The following CBLN2 variants were observed in gnomAD, a reference collection of about 807,000 sequenced individuals.
CBLN2 encodes cerebellin 2 precursor, also known as cerebellin-2.
A neutral mutation model predicts 15.0 loss-of-function variants in CBLN2; 7 were observed. The observed-to-expected ratio is 0.47, with a 90% CI of 0.27 to 0.88. The LOEUF is 0.88. CBLN2 is among the 40% of genes least tolerant of loss of function. CBLN2 has a pLI of 0.14. For missense variants in CBLN2, 242 were observed against 304.5 expected, an observed-to-expected ratio of 0.79 and a Z score of 1.53; for synonymous variants, 149 against 135.2, an observed-to-expected ratio of 1.10 and a Z score of -0.71.
upstream of CBLN2, among the ~76,000 whole-genome samples, chr18:72,546,451 A>G (rs988815471): frequency 6.6e-4 from 101 of 152,168 alleles, no homozygotes; most frequent in Non-Finnish European, 1.2e-3. Flanking sequence ...CAAAAAAAAA[A>G]AAAAGATATT....
At chr18:72,571,893 G>A (rs114248518) in intron 1 of CBLN2, among the ~76,000 whole-genome samples, 160 of 152,070 alleles carry the variant, frequency 1.1e-3, no homozygotes, top group African/African-American at 3.5e-3. Flanking sequence ...TAACATCATC[G>A]CAAGATATCA....
intron 1 of CBLN2, among the ~76,000 whole-genome samples, chr18:72,580,664 G>A (rs2069396977): frequency 1.3e-5 from 2 of 151,932 alleles, no homozygotes; most frequent in Admixed American, 6.6e-5. Context: ...GTATTATGTT[G>A]TATAATTATA....
intron 1 of CBLN2, among the ~76,000 whole-genome samples, chr18:72,632,911 G>A (rs148479280): frequency 6.4e-4 from 98 of 152,250 alleles, no homozygotes; most frequent in African/African-American, 2.3e-3. Context: ...CACACCCCTG[G>A]TAATTAGTAC....
At chr18:72,540,107 A>G (rs532145566) in intron 3 of CBLN2, 15 of 152,268 alleles carry the variant, frequency 9.9e-5, no homozygotes, top group African/African-American at 3.6e-4. Context: ...TAAGACAAAC[A>G]CCTCGGGATG....
At chr18:72,558,954 C>T (rs759894741) in intron 1 of CBLN2, among the ~76,000 whole-genome samples, 41 of 152,084 alleles carry the variant, frequency 2.7e-4, no homozygotes, top group Non-Finnish European at 3.4e-4. Context: ...ACTCTGGAGT[C>T]GGGGTGGGGA....
In CBLN2 at chr18:72,619,774, A is replaced by T. The variant is rs564474873; in HGVS notation, c.15+18551T>A. Among the ~76,000 whole-genome samples, 6 of 152,348 alleles carry T rather than the reference A, an allele frequency of 3.9e-5. No individual in the cohort carries two copies. In the South Asian group the frequency reaches 1.2e-3, roughly 32 times the overall value. Reference sequence around the variant, plus strand: ...AATATGTTTGTTGTCCCTAGGTTAAATAGATAACCAATTATTATTTCTTAG... The same window carrying T: ...AATATGTTTGTTGTCCCTAGGTTAATTAGATAACCAATTATTATTTCTTAG... On this transcript the variant is annotated intron_variant, in intron 1 of 2. Transcript: ENST00000581073.
chr18:72,555,988 A>G (rs1326575543), intron 1 of CBLN2, among the ~76,000 whole-genome samples: 1 of 152,084 alleles, frequency 6.6e-6, no homozygotes, highest in Non-Finnish European at 1.5e-5. Flanking sequence ...CCCCAGTTGA[A>G]CCATTCTTCC....
intron 1 of CBLN2, among the ~76,000 whole-genome samples, chr18:72,621,734 T>A (rs577421612): frequency 6.6e-6 from 1 of 152,174 alleles, no homozygotes; most frequent in Non-Finnish European, 1.5e-5. Context: ...GAATTTTCCA[T>A]CCTCAACAAA....
At chr18:72,600,551 G>A (rs1441090430) in intron 1 of CBLN2, among the ~76,000 whole-genome samples, 8 of 152,148 alleles carry the variant, frequency 5.3e-5, no homozygotes, top group Non-Finnish European at 7.3e-5. Context: ...TGGAGAAGTC[G>A]TGGAGATAAG....
chr18:72,564,513 G>A (rs545106952), intron 1 of CBLN2, among the ~76,000 whole-genome samples: 114 of 152,110 alleles, frequency 7.5e-4, no homozygotes, highest in African/African-American at 2.6e-3. Context: ...GATAGTCAGA[G>A]ATACAATTAA....
intron 1 of CBLN2, among the ~76,000 whole-genome samples, chr18:72,575,050 G>A (rs912022430): frequency 6.6e-6 from 1 of 152,138 alleles, no homozygotes; most frequent in Non-Finnish European, 1.5e-5. Context: ...AGGGTTAAAC[G>A]AAGTAGTTAA....
Position 72,604,025 on chromosome 18 carries a change from G to C in CBLN2, c.15+34300C>G, listed in dbSNP as rs541628210. Among the ~76,000 whole-genome samples the C allele has an allele frequency of 5.3e-5, 8 of 152,254 alleles. 1 individual carries two copies. ...GGAAACATCTTGACTCTCAACTTGCGTCCAGCACCGATTACATCGGCATCC... is the reference window on the plus strand; with the variant it reads ...GGAAACATCTTGACTCTCAACTTGCCTCCAGCACCGATTACATCGGCATCC... On this transcript the variant is annotated intron_variant, in intron 1 of 2. Transcript: ENST00000581073.
At chr18:72,539,709 CA>C (rs941881858) in intron 3 of CBLN2, 12 of 152,114 alleles carry the variant, frequency 7.9e-5, no homozygotes, top group African/African-American at 2.9e-4. Flanking sequence ...CGTGATGACC[CA>C]ATTTCTTTCA....
chr18:72,538,504 T>C (rs1331785878), intron 4 of CBLN2, 131 bp from the exon 5 acceptor site: 11 of 1,416,160 alleles, frequency 7.8e-6, no homozygotes, highest in Non-Finnish European at 1.1e-5. Context: ...AGCCTGACAG[T>C]GAGCACTCCC....
chr18:72,538,000 T>G lies in CBLN2; in HGVS notation c.*176A>C. The G allele has an allele frequency of 1.6e-6, 1 of 634,416 alleles. No homozygotes were observed. The highest frequency in any genetic ancestry group is 2.8e-6 in the Non-Finnish European group (1 of 363,222). The allele number at this position is 634,416 out of a possible 1,614,324, so 39.3% of individuals were successfully genotyped here. ...GGCCAGGTTCCCGAGGAATTGTCAG[T>G]ATTCCAAAAAACAAAAACAAAAGTA... On this transcript the variant is annotated 3_prime_UTR_variant, in exon 5 of 5. Transcript: ENST00000269503.
intron 1 of CBLN2, among the ~76,000 whole-genome samples, chr18:72,557,036 A>G (rs1400145502): frequency 1.3e-5 from 2 of 151,958 alleles, no homozygotes; most frequent in Admixed American, 6.6e-5. Context: ...TCTATCTTCT[A>G]TCATGTCAAG....
In CBLN2 at chr18:72,584,028, T is replaced by A. The variant is rs978722566; in HGVS notation, c.16-45256A>T. On this transcript the variant is annotated intron_variant, in intron 1 of 2. Transcript: ENST00000581073. ...CATGACCTGGAGGGCCTGAAGGACC[T>A]GGCTCCTGCCTCTTTCCTCGCTCAG... is the stretch of plus-strand genomic sequence containing the variant. 2.0e-5 allele frequency among the ~76,000 whole-genome samples: 3 copies of A among 152,228 alleles called. No homozygotes were observed. The South Asian group carries it at 6.2e-4, about 32-fold the overall frequency.
intron 1 of CBLN2, among the ~76,000 whole-genome samples, chr18:72,615,611 A>G (rs577771887): frequency 6.6e-6 from 1 of 152,280 alleles, no homozygotes; most frequent in East Asian, 1.9e-4. Flanking sequence ...ATTAGAAGGT[A>G]TAGAAAATGC....
intron 1 of CBLN2, among the ~76,000 whole-genome samples, chr18:72,600,961 C>T (rs142044289): frequency 4.6e-5 from 7 of 152,266 alleles, no homozygotes; most frequent in African/African-American, 1.7e-4. Context: ...TCTGAAAAGG[C>T]ATCTCAAAAG....
Sources: allele counts gnomAD v4.1 joint callset (sites outside exome capture counted in the v4.1 genomes callset), GRCh38; gene constraint gnomAD v4.1.1; transcripts MANE v1.5; gene names NCBI Gene and HGNC (gene_info 2026-07-23, HGNC 2026-07-21).